The following MYOM2 variants were observed in gnomAD, a reference collection of about 807,000 sequenced individuals.
The protein encoded by MYOM2 is myomesin 2.
MYOM2 carries 254 observed loss-of-function variants against 187.6 expected under a neutral mutation model. The observed-to-expected ratio is 1.35, with a 90% CI of 1.22 to 1.50. The LOEUF (loss-of-function observed/expected upper bound fraction) is 1.50, where lower values mean the gene tolerates loss of function less well. MYOM2 is among the 40% of genes most tolerant of loss of function. MYOM2 has a pLI of 0.00. For synonymous variants in MYOM2, 981 were observed against 753.8 expected (o/e 1.30, Z -4.94); for missense variants, 2,796 against 1,924.0 (o/e 1.45, Z -8.48).
chr8:2,069,594 T>G, intron 8 of MYOM2, 97 bp downstream of exon 8: 2 of 1,491,546 alleles, frequency 1.3e-6, no homozygotes, highest in Admixed American at 3.6e-5. Flanking sequence ...ATCTTTTTTT[T>G]TTTTTGAGAC....
chr8:2,138,139 G>A (rs1798145688), intron 32 of MYOM2, among the ~76,000 whole-genome samples: 1 of 152,226 alleles, frequency 6.6e-6, no homozygotes, highest in Non-Finnish European at 1.5e-5. Flanking sequence ...GACGGCTGGT[G>A]TGGCCACTGA....
Position 2,072,397 on chromosome 8 carries a change from G to A in MYOM2, c.846G>A (p.Glu282=), listed in dbSNP as rs868526408. The change falls in exon 9 of 37, where the codon GAG becomes GAA. Residue 282 remains glutamate (E), a synonymous_variant. Coordinates refer to ENST00000262113, the MANE Select transcript of MYOM2 (RefSeq NM_003970.4). ...CGCACTTCGACGTCCAGTTTTTGGA[G>A]AAGTTTGGGGTCACCTTCAGGAGGG... ...PYTHFDVQFL[E]KFGVTFRREG... is the part of the protein sequence containing the mutation. The A allele has an allele frequency of 6.2e-7, 1 of 1,614,042 alleles. No homozygotes were observed. Among genetic ancestry groups the A allele is most frequent in the East Asian group, 2.2e-5 (1 of 44,882 alleles).
chr8:2,073,314 A>C, intron 9 of MYOM2, 25 bp from the exon 10 acceptor site: 1 of 1,581,532 alleles, frequency 6.3e-7, no homozygotes, highest in Non-Finnish European at 8.6e-7. Context: ...TTGGATGCAA[A>C]CCTTCCGTGT....
chr8:2,090,353 T>C (rs991019034), intron 15 of MYOM2, among the ~76,000 whole-genome samples, 162 bp downstream of exon 15: 1 of 152,250 alleles, frequency 6.6e-6, no homozygotes, highest in Non-Finnish European at 1.5e-5. Context: ...CTCTCTGCCA[T>C]GTTTTGTTTG....
At chr8:2,141,202 A>C in intron 34 of MYOM2, 25 bp downstream of exon 34, 1 of 1,608,298 alleles carries the variant, frequency 6.2e-7, no homozygotes, top group Non-Finnish European at 8.5e-7. Flanking sequence ...TTTAGTTACT[A>C]TGATATCCTG....
intron 17 of MYOM2, among the ~76,000 whole-genome samples, chr8:2,095,369 G>A (rs535176792): frequency 6.7e-6 from 1 of 149,616 alleles, no homozygotes; most frequent in African/African-American, 2.5e-5. Context: ...ACAGCTCCCT[G>A]CAGCCTTGAG....
rs1458419587 is a variant in MYOM2, at chr8:2,078,834, T to C, written c.1363T>C (p.Phe455Leu). 1.2e-6 allele frequency: 2 copies of C among 1,614,118 alleles called. No individual in the cohort carries two copies. Among genetic ancestry groups the C allele is most frequent in the African/African-American group, 1.3e-5 (1 of 75,046 alleles). Residue 455 changes from phenylalanine to leucine, a missense_variant, in exon 12 of 37, where the codon TTC becomes CTC. Transcript: ENST00000262113. ...GCTTTTTGAAGGAAGGTCTTACATA[T>C]TCCGAGTGAGGGCAGTGAACAGTGC... Reference protein sequence around the residue: ...TGLFEGRSYIFRVRAVNSAGI... With the variant: ...TGLFEGRSYILRVRAVNSAGI...
At chr8:2,144,478 G>A (rs529197599) in intron 36 of MYOM2, among the ~76,000 whole-genome samples, 186 bp from the exon 37 acceptor site, 1 of 152,286 alleles carries the variant, frequency 6.6e-6, no homozygotes, top group South Asian at 2.1e-4. Flanking sequence ...TGGTGAACCT[G>A]TTCCCTGCTG....
intron 19 of MYOM2, among the ~76,000 whole-genome samples, chr8:2,099,640 G>GAACTC (rs1796615888): frequency 2.0e-5 from 3 of 152,094 alleles, no homozygotes. Context: ...GGCTGGTCTT[G>GAACTC]AACTCCTGGG....
At chr8:2,083,531 G>T (rs539790087) in intron 13 of MYOM2, among the ~76,000 whole-genome samples, 1 of 152,056 alleles carries the variant, frequency 6.6e-6, no homozygotes, top group South Asian at 2.1e-4. Context: ...TGTGCTTAGC[G>T]GCATCTTGCG....
In MYOM2 at chr8:2,059,178, C is replaced by T. The variant is rs142466938; in HGVS notation, c.586C>T (p.Gln196Ter). ...QWYKDGSLIC[Q>*]AAEPGKYRIE... is the part of the protein sequence containing the mutation. Reference sequence around the variant, plus strand: ...GTACAAAGATGGCAGTCTGATTTGCCAGGCGGCTGAACCGGGAAAGTACAG... The same window carrying T: ...GTACAAAGATGGCAGTCTGATTTGCTAGGCGGCTGAACCGGGAAAGTACAG... Residue 196 changes from glutamine to a stop codon, truncating the protein, a stop_gained, in exon 6 of 37, where the codon CAG becomes TAG. Transcript: ENST00000262113. LOFTEE classifies it high-confidence loss of function. 11 of 1,614,030 alleles carry T rather than the reference C, an allele frequency of 6.8e-6. No individual in the cohort carries two copies. The African/African-American group carries it at 1.3e-4, about 20-fold the overall frequency.
chr8:2,069,444 C>T lies in MYOM2; in HGVS notation c.743-3C>T, dbSNP rs1488292277. ...CTGCTGCACTCACTTTGCTGTCTTG[C>T]AGGGTTCCGGGGAGACGAGGAACCA... On this transcript the variant is annotated splice_region_variant and splice_polypyrimidine_tract_variant and intron_variant, in intron 7 of 36. Coordinates refer to ENST00000262113, the MANE Select transcript of MYOM2 (RefSeq NM_003970.4). 2.5e-6 allele frequency: 4 copies of T among 1,614,076 alleles called. No individual in the cohort carries two copies. The highest frequency in any genetic ancestry group is 3.4e-6 in the Non-Finnish European group (4 of 1,180,034).
At chr8:2,125,660 T>G (rs915860753) in intron 31 of MYOM2, among the ~76,000 whole-genome samples, 7 of 136,074 alleles carry the variant, frequency 5.1e-5, no homozygotes, top group Non-Finnish European at 7.6e-5. Flanking sequence ...CAGGCTGTAG[T>G]GCAGTGGGTG....
Position 2,079,545 on chromosome 8 carries a change from C to A in MYOM2, c.1463-15C>A, listed in dbSNP as rs908073917. ...CTTCGCATGTCAAATCGAGTGTCAA[C>A]CTTTCTCTCCGCAGCCGTTCATTTG... On this transcript the variant is annotated splice_polypyrimidine_tract_variant and intron_variant, in intron 12 of 36. Coordinates refer to ENST00000262113, the MANE Select transcript of MYOM2 (RefSeq NM_003970.4). 13 of 1,613,822 alleles carry A rather than the reference C, an allele frequency of 8.1e-6. No homozygotes were observed. The highest frequency in any genetic ancestry group is 1.3e-5 in the African/African-American group (1 of 74,900).
intron 15 of MYOM2, among the ~76,000 whole-genome samples, chr8:2,091,623 C>T (rs960283785): frequency 1.3e-5 from 2 of 152,184 alleles, no homozygotes; most frequent in South Asian, 2.1e-4. Flanking sequence ...GTCACGAGGC[C>T]GGCTGCCTCC....
intron 27 of MYOM2, 121 bp downstream of exon 27, chr8:2,116,396 T>G: frequency 1.0e-6 from 1 of 980,210 alleles, no homozygotes; most frequent in Non-Finnish European, 1.5e-6. Flanking sequence ...TTTAAATGAT[T>G]AAGAGGTTAG....
intron 6 of MYOM2, among the ~76,000 whole-genome samples, chr8:2,068,381 C>A (rs1819092720): frequency 1.3e-5 from 2 of 149,754 alleles, no homozygotes; most frequent in African/African-American, 5.0e-5. Context: ...GGAGAGCATC[C>A]TGGGGACAGC....
Position 2,096,559 on chromosome 8 carries a change from A to C in MYOM2, c.2313+125A>C. ...ACACAAAAATGGATTAAAAAATAGC[A>C]TCATGAGATCATGAAGTTTTGGAGC... On this transcript the variant is annotated intron_variant, in intron 18 of 36. Coordinates refer to ENST00000262113, the MANE Select transcript of MYOM2 (RefSeq NM_003970.4). 3.4e-6 allele frequency: 3 copies of C among 881,110 alleles called. No homozygotes were observed. The South Asian group carries it at 5.4e-5, about 16-fold the overall frequency. The allele number at this position is 881,110 out of a possible 1,614,324, so 54.6% of individuals were successfully genotyped here.
chr8:2,046,617 G>C (rs1036100386), intron 1 of MYOM2, among the ~76,000 whole-genome samples: 1 of 152,214 alleles, frequency 6.6e-6, no homozygotes, highest in African/African-American at 2.4e-5. Context: ...CAGAGCAGGT[G>C]GAGGCCCCTG....
Sources: allele counts gnomAD v4.1 joint callset (sites outside exome capture counted in the v4.1 genomes callset), GRCh38; gene constraint gnomAD v4.1.1; transcripts MANE v1.5; gene names NCBI Gene and HGNC (gene_info 2026-07-23, HGNC 2026-07-21).